NRXN3: variants seen among roughly 807,000 people sequenced by gnomAD.
NRXN3 encodes neurexin 3, also known as neurexin III.
Under a neutral mutation model 137.6 loss-of-function variants are expected in NRXN3, and 32 were observed. That is an observed-to-expected ratio of 0.23 (90% confidence interval 0.18 to 0.31). NRXN3 has a LOEUF of 0.31. NRXN3 is among the 10% of genes least tolerant of loss of function. The pLI, the probability that NRXN3 is intolerant of heterozygous loss-of-function variation, is 1.00. For synonymous variants in NRXN3, 798 were observed against 784.5 expected, an observed-to-expected ratio of 1.02 and a Z score of -0.29; for missense variants, 1,574 against 2,062.5, an observed-to-expected ratio of 0.76 and a Z score of 4.59.
At chr14:78,548,972 G>A (rs1341330562) in intron 4 of NRXN3, among the ~76,000 whole-genome samples, 1 of 152,150 alleles carries the variant, frequency 6.6e-6, no homozygotes, top group African/African-American at 2.4e-5. Flanking sequence ...TGTGACATCT[G>A]CCCCAACGAA....
chr14:79,349,135 AAAT>A (rs1269913069), intron 15 of NRXN3, among the ~76,000 whole-genome samples: 1 of 152,148 alleles, frequency 6.6e-6, no homozygotes, highest in Non-Finnish European at 1.5e-5. Context: ...GAACTTTTCT[AAAT>A]ATACATCCTC....
chr14:79,838,200 T>C lies in NRXN3; in HGVS notation c.4094-23142T>C, dbSNP rs117358135. Among the ~76,000 whole-genome samples the C allele has an allele frequency of 2.3e-3, 343 of 152,296 alleles. 13 individuals are homozygous for C. The East Asian group carries it at 0.045, about 20-fold the overall frequency. On this transcript the variant is annotated intron_variant, in intron 20 of 20. Coordinates refer to ENST00000335750, the MANE Select transcript of NRXN3 (RefSeq NM_001330195.2). ...AAGTCTCAACTTTCAGACTTAAGAC[T>C]CATAAACGTTTTAATTTTTTATCCC...
At chr14:79,131,226 T>C (rs1301855648) in intron 15 of NRXN3, among the ~76,000 whole-genome samples, 7 of 152,216 alleles carry the variant, frequency 4.6e-5, no homozygotes, top group Non-Finnish European at 7.3e-5. Flanking sequence ...GGTGAGGAAC[T>C]GCGTTCCTTT....
At chr14:78,727,686 G>C (rs2098492355) in intron 8 of NRXN3, among the ~76,000 whole-genome samples, 1 of 152,128 alleles carries the variant, frequency 6.6e-6, no homozygotes, top group Non-Finnish European at 1.5e-5. Context: ...GGTGAGCCAA[G>C]ATCGCGCCAT....
intron 8 of NRXN3, among the ~76,000 whole-genome samples, chr14:78,773,448 A>T (rs2098734910): frequency 6.6e-6 from 1 of 152,116 alleles, no homozygotes; most frequent in Non-Finnish European, 1.5e-5. Flanking sequence ...GCTAATTCTT[A>T]TTTTATGGAA....
intron 19 of NRXN3, among the ~76,000 whole-genome samples, chr14:79,778,634 C>A (rs1423031034): frequency 6.7e-6 from 1 of 148,472 alleles, no homozygotes; most frequent in African/African-American, 2.5e-5. Context: ...TGTATAGCCC[C>A]CTTTTAAAAG....
At chr14:78,400,399 G>A (rs1256907535) in intron 4 of NRXN3, among the ~76,000 whole-genome samples, 1 of 152,202 alleles carries the variant, frequency 6.6e-6, no homozygotes, top group Non-Finnish European at 1.5e-5. Context: ...ACCAACCATA[G>A]GCAACTATTT....
chr14:79,191,610 C>A (rs1175100378), intron 15 of NRXN3, among the ~76,000 whole-genome samples: 1 of 152,076 alleles, frequency 6.6e-6, no homozygotes, highest in Non-Finnish European at 1.5e-5. Flanking sequence ...AATATAAGAC[C>A]TTTCCTTTTA....
chr14:78,977,535 AC>A (rs1243937357), intron 14 of NRXN3, among the ~76,000 whole-genome samples: 3 of 152,058 alleles, frequency 2.0e-5, no homozygotes, highest in Non-Finnish European at 4.4e-5. Context: ...ATTGTGTATC[AC>A]TTTGAAAAGA....
chr14:79,544,586 G>A (rs908860077), intron 16 of NRXN3, among the ~76,000 whole-genome samples: 1 of 152,050 alleles, frequency 6.6e-6, no homozygotes, highest in African/African-American at 2.4e-5. Context: ...CTGGAATTCT[G>A]GAATCTATGA....
chr14:78,516,991 T>C (rs1379896661), intron 4 of NRXN3, among the ~76,000 whole-genome samples: 1 of 152,186 alleles, frequency 6.6e-6, no homozygotes, highest in Non-Finnish European at 1.5e-5. Flanking sequence ...TTATATTATG[T>C]TGAATCCATC....
At chr14:79,131,697 T>G (rs900097570) in intron 15 of NRXN3, among the ~76,000 whole-genome samples, 24 of 152,300 alleles carry the variant, frequency 1.6e-4, no homozygotes, top group East Asian at 5.8e-4. Flanking sequence ...GAGCTGTGGT[T>G]GGCTCCACCC....
chr14:78,618,164 T>G (rs1400909818), intron 4 of NRXN3, among the ~76,000 whole-genome samples: 1 of 151,864 alleles, frequency 6.6e-6, no homozygotes. Context: ...CAGGAATTTA[T>G]CAACATATAA....
chr14:79,257,263 A>G (rs1477932774), intron 15 of NRXN3, among the ~76,000 whole-genome samples: 3 of 149,722 alleles, frequency 2.0e-5, no homozygotes, highest in African/African-American at 7.4e-5. Flanking sequence ...GTAAGTAACA[A>G]GTATCAGATA....
chr14:79,573,883 A>G (rs1400958820), intron 16 of NRXN3, among the ~76,000 whole-genome samples: 2 of 152,096 alleles, frequency 1.3e-5, no homozygotes, highest in Non-Finnish European at 2.9e-5. Context: ...CTCTGTTGCA[A>G]TTTTTATTGT....
At chr14:79,387,082 A>C (rs1185435510) in intron 15 of NRXN3, among the ~76,000 whole-genome samples, 21 of 152,108 alleles carry the variant, frequency 1.4e-4, no homozygotes, top group African/African-American at 4.3e-4. Context: ...CAATGGCAAC[A>C]AAAGACAAAA....
intron 4 of NRXN3, among the ~76,000 whole-genome samples, chr14:78,366,795 C>T (rs1464109235): frequency 6.6e-6 from 1 of 152,226 alleles, no homozygotes; most frequent in Non-Finnish European, 1.5e-5. Context: ...CCACTGGGTT[C>T]CTCCCATAAC....
intron 15 of NRXN3, among the ~76,000 whole-genome samples, chr14:79,087,342 T>C (rs1427280725): frequency 1.3e-5 from 2 of 152,150 alleles, no homozygotes; most frequent in African/African-American, 4.8e-5. Context: ...TCTGGGTCTC[T>C]CCTTCAGCCT....
At chr14:79,130,274 C>T (rs1343958764) in intron 15 of NRXN3, among the ~76,000 whole-genome samples, 21 of 151,960 alleles carry the variant, frequency 1.4e-4, no homozygotes, top group Admixed American at 1.2e-3. Flanking sequence ...TTCCTAGTCT[C>T]GATGGTCTTT....
Sources: allele counts gnomAD v4.1 joint callset (sites outside exome capture counted in the v4.1 genomes callset), GRCh38; gene constraint gnomAD v4.1.1; transcripts MANE v1.5; gene names NCBI Gene and HGNC (gene_info 2026-07-23, HGNC 2026-07-21).